The following PSEN1 variants were observed in gnomAD, a reference collection of about 807,000 sequenced individuals.
The protein encoded by PSEN1 is presenilin-1.
In PSEN1, 15 loss-of-function variants were observed where a neutral mutation model predicts 53.5. The ratio of observed to expected loss-of-function variants is 0.28; its 90% CI spans 0.19 to 0.43. The LOEUF is 0.43. Among genes scored for constraint, PSEN1 ranks in the 20% least tolerant of loss-of-function variants. The pLI is 1.00. For missense variants in PSEN1, 387 were observed against 571.2 expected, an observed-to-expected ratio of 0.68 and a Z score of 3.29; for synonymous variants, 208 against 209.8, an observed-to-expected ratio of 0.99 and a Z score of 0.08.
At chr14:73,210,918 A>G (rs1161582126) in intron 9 of PSEN1, among the ~76,000 whole-genome samples, 3 of 152,208 alleles carry the variant, frequency 2.0e-5, no homozygotes, top group Non-Finnish European at 2.9e-5. Context: ...TTTTAAGACT[A>G]TCATGCTCAC....
At chr14:73,139,055 G>C (rs747095806) in intron 1 of PSEN1, among the ~76,000 whole-genome samples, 2 of 150,388 alleles carry the variant, frequency 1.3e-5, no homozygotes, top group Non-Finnish European at 3.0e-5. Context: ...AGGCCGAGGC[G>C]GGTGGATAAC....
At chr14:73,185,219 G>T (rs1311987209) in intron 5 of PSEN1, among the ~76,000 whole-genome samples, 2 of 152,328 alleles carry the variant, frequency 1.3e-5, no homozygotes, top group African/African-American at 2.4e-5. Context: ...CCGGGCAGAG[G>T]CTACAATCTC....
At chr14:73,170,739 G>C (rs565681598) in intron 3 of PSEN1, 58 bp from the exon 4 acceptor site, 1 of 1,594,524 alleles carries the variant, frequency 6.3e-7, no homozygotes, top group Non-Finnish European at 8.6e-7. Flanking sequence ...AGGTCTAACC[G>C]TTACCTTGAT....
chr14:73,157,929 T>C lies in PSEN1; in HGVS notation c.87+9823T>C, dbSNP rs902140372. ...TGAACCCAGGAGGCAGAGGTTGCAGTGAGCTGAGATTGTGCCACTGCACTC... is the reference window on the plus strand; with the variant it reads ...TGAACCCAGGAGGCAGAGGTTGCAGCGAGCTGAGATTGTGCCACTGCACTC... On this transcript the variant is annotated intron_variant, in intron 3 of 11. Coordinates refer to ENST00000324501, the MANE Select transcript of PSEN1 (RefSeq NM_000021.4). Among the ~76,000 whole-genome samples the C allele has an allele frequency of 5.3e-5, 8 of 152,108 alleles. 1 individual carries two copies. In the South Asian group the frequency reaches 1.5e-3, roughly 28 times the overall value.
At chr14:73,175,770 T>C (rs1481134081) in intron 5 of PSEN1, among the ~76,000 whole-genome samples, 3 of 152,244 alleles carry the variant, frequency 2.0e-5, no homozygotes, top group Non-Finnish European at 4.4e-5. Flanking sequence ...CTTAGAGCTT[T>C]TTCAGTTTTT....
intron 3 of PSEN1, among the ~76,000 whole-genome samples, chr14:73,170,184 T>G (rs907434155): frequency 6.6e-6 from 1 of 152,208 alleles, no homozygotes; most frequent in Admixed American, 6.5e-5. Context: ...ATCTTGGTTT[T>G]GGTGGGTTTT....
Position 73,161,164 on chromosome 14 carries a change from G to A in PSEN1, c.88-9633G>A, listed in dbSNP as rs534099483. The stretch of plus-strand genomic sequence containing the variant: ...TAATTTTTGTATTTTTTGTAGAGAC[G>A]GAGTTTCACCATGTTGCCCAGGCTG... On this transcript the variant is annotated intron_variant, in intron 3 of 11. Transcript: ENST00000324501. Among the ~76,000 whole-genome samples, 46 of 151,592 alleles carry A rather than the reference G, an allele frequency of 3.0e-4. 2 individuals are homozygous for A. In the South Asian group the frequency reaches 9.2e-3, roughly 30 times the overall value.
At chr14:73,173,908 C>CCCCTGCGGGGGTATG in intron 5 of PSEN1, 1 of 691,926 alleles carries the variant, frequency 1.4e-6, no homozygotes, top group Non-Finnish European at 2.5e-6. Flanking sequence ...ATGCCAGGCT[C>CCCCTGCGGGGGTATG]AGAGGCTGAG....
intron 10 of PSEN1, among the ~76,000 whole-genome samples, chr14:73,215,022 T>C (rs1381903478): frequency 6.6e-6 from 1 of 152,096 alleles, no homozygotes; most frequent in Admixed American, 6.5e-5. Context: ...AGTGCAGTGC[T>C]GGGATCTCAG....
intron 9 of PSEN1, 42 bp from the exon 10 acceptor site, chr14:73,211,727 T>G (rs1329523106): frequency 6.2e-7 from 1 of 1,608,610 alleles, no homozygotes. Context: ...GGTATTAAAT[T>G]TTTCTAAATA....
At chr14:73,142,066 C>G in intron 1 of PSEN1, among the ~76,000 whole-genome samples, 1 of 83,926 alleles carries the variant, frequency 1.2e-5, no homozygotes, top group East Asian at 3.4e-4. Context: ...GACTCCGTCT[C>G]AAAAAAAAAA....
intron 3 of PSEN1, among the ~76,000 whole-genome samples, chr14:73,162,694 T>C (rs755286234): frequency 5.0e-4 from 76 of 152,114 alleles, no homozygotes; most frequent in Non-Finnish European, 9.3e-4. Context: ...TGTACTGATG[T>C]GTAGAAAAAT....
At chr14:73,212,522 ATT>A (rs1277304799) in intron 10 of PSEN1, among the ~76,000 whole-genome samples, 2 of 152,176 alleles carry the variant, frequency 1.3e-5, no homozygotes, top group East Asian at 3.8e-4. Flanking sequence ...GCCGTAATAC[ATT>A]TGTCTACAAA....
chr14:73,197,623 G>T, intron 7 of PSEN1: 1 of 187,678 alleles, frequency 5.3e-6, no homozygotes. Context: ...TTTTTAATTT[G>T]TAGTTCATAT....
rs1466670211 is a variant in PSEN1, at chr14:73,221,276, A to G, written c.*1987A>G. 1 of 152,178 alleles carries G rather than the reference A, an allele frequency of 6.6e-6. No homozygotes were observed. Among genetic ancestry groups the G allele is most frequent in the Non-Finnish European group, 1.5e-5 (1 of 68,024 alleles). 9.4% of individuals were successfully genotyped at this position (152,178 alleles called of 1,614,324 possible). On this transcript the variant is annotated 3_prime_UTR_variant, in exon 12 of 12. Coordinates refer to ENST00000324501, the MANE Select transcript of PSEN1 (RefSeq NM_000021.4). ...CCAAGATTCATTCCCTCTCTCAGAC[A>G]TGTGCTAGCATGGGTATTATCATTG... is the stretch of plus-strand genomic sequence containing the variant.
At chr14:73,171,187 T>G (rs1483602691) in intron 4 of PSEN1, 140 bp downstream of exon 4, 29 of 993,728 alleles carry the variant, frequency 2.9e-5, no homozygotes, top group Non-Finnish European at 4.5e-5. Context: ...TCAGGAGCAG[T>G]TGAGAGAGCG....
intron 5 of PSEN1, among the ~76,000 whole-genome samples, chr14:73,182,336 T>A (rs1325519389): frequency 2.0e-5 from 3 of 147,782 alleles, no homozygotes; most frequent in African/African-American, 5.0e-5. Context: ...AAAAAAAAAA[T>A]TAAAAAATTA....
intron 6 of PSEN1, among the ~76,000 whole-genome samples, chr14:73,189,397 G>A (rs997535219): frequency 5.3e-5 from 8 of 151,956 alleles, no homozygotes; most frequent in African/African-American, 1.9e-4. Flanking sequence ...GTTCACCTGA[G>A]GTTAGGAGTT....
chr14:73,150,808 G>A (rs8008686), intron 3 of PSEN1, among the ~76,000 whole-genome samples: 13,402 of 138,976 alleles, frequency 0.096, 695 homozygotes, highest in Middle Eastern at 0.21. Context: ...GGTGGCTCAC[G>A]CCTGTAATCC....
Sources: gnomAD v4.1 joint callset for allele counts (sites outside exome capture counted in the v4.1 genomes callset) on GRCh38, gnomAD v4.1.1 for gene constraint, MANE v1.5 for transcripts, NCBI Gene and HGNC (gene_info 2026-07-23, HGNC 2026-07-21) for gene names.